Variants in CSRNP3 observed in about 807,000 individuals in gnomAD.
The protein encoded by CSRNP3 is cysteine/serine-rich nuclear protein 3.
Under a neutral mutation model 48.0 loss-of-function variants are expected in CSRNP3, and 12 were observed. The ratio of observed to expected loss-of-function variants is 0.25; its 90% CI spans 0.16 to 0.41. CSRNP3 has a LOEUF of 0.41. CSRNP3 is among the 10% of genes least tolerant of loss of function. CSRNP3 has a pLI of 1.00. For synonymous variants in CSRNP3, 263 were observed against 269.7 expected (o/e 0.98, Z 0.24); for missense variants, 580 against 724.4 (o/e 0.80, Z 2.29).
intron 3 of CSRNP3, among the ~76,000 whole-genome samples, chr2:165,522,415 T>G (rs961219210): frequency 2.0e-5 from 3 of 152,140 alleles, no homozygotes; most frequent in African/African-American, 7.2e-5. Context: ...TATTTTCCTT[T>G]TATTTGCTTA....
chr2:165,472,561 A>T (rs1264357102), intron 1 of CSRNP3, among the ~76,000 whole-genome samples: 2 of 152,014 alleles, frequency 1.3e-5, no homozygotes, highest in Non-Finnish European at 2.9e-5. Flanking sequence ...TTTTATTATA[A>T]AATTACATGC....
At chr2:165,544,615 T>C (rs754365734) in intron 3 of CSRNP3, among the ~76,000 whole-genome samples, 1 of 152,106 alleles carries the variant, frequency 6.6e-6, no homozygotes, top group Non-Finnish European at 1.5e-5. Context: ...TCTGAATATA[T>C]TTTGAACGTA....
chr2:165,639,109 T>A (rs1464081127), intron 4 of CSRNP3, among the ~76,000 whole-genome samples: 2 of 152,184 alleles, frequency 1.3e-5, no homozygotes, highest in Non-Finnish European at 2.9e-5. Context: ...AAAAAACATG[T>A]CTTGTCACGT....
intron 4 of CSRNP3, among the ~76,000 whole-genome samples, chr2:165,626,364 C>T (rs778460831): frequency 5.9e-5 from 9 of 152,076 alleles, no homozygotes; most frequent in Non-Finnish European, 1.3e-4. Flanking sequence ...AAGAATATTC[C>T]AGGCAAAAGG....
rs1350706342 is a variant in CSRNP3, at chr2:165,686,718, G to A, written c.*6965G>A. ...TAGTTGGCAAAGTCATTTCATTTGTGTCTCAAACAAATAAAGCCCACTGCC... is the reference window on the plus strand; with the variant it reads ...TAGTTGGCAAAGTCATTTCATTTGTATCTCAAACAAATAAAGCCCACTGCC... On this transcript the variant is annotated 3_prime_UTR_variant, in exon 7 of 7. Transcript: ENST00000651982. The A allele has an allele frequency of 1.3e-5, 2 of 151,956 alleles. No individual in the cohort carries two copies. Among genetic ancestry groups the A allele is most frequent in the Non-Finnish European group, 2.9e-5 (2 of 67,986 alleles). The allele number at this position is 151,956 out of a possible 1,614,324, so 9.4% of individuals were successfully genotyped here.
At position 165,609,465 on chromosome 2, in the gene CSRNP3, G is replaced by GAAA. The variant is rs34249194; in HGVS notation, c.148+14273_148+14275dup. 5.2e-3 allele frequency among the ~76,000 whole-genome samples: 510 copies of GAAA among 97,550 alleles called. 5 individuals carry two copies. The highest frequency in any genetic ancestry group is 0.01 in the Middle Eastern group (1 of 98). The allele number at this position is 97,550 out of a possible 152,430, so 64.0% of individuals were successfully genotyped here. On this transcript the variant is annotated intron_variant, in intron 4 of 6. Coordinates refer to ENST00000651982, the MANE Select transcript of CSRNP3 (RefSeq NM_001172173.2). ...CAGAGTGAGACTCCGTCTAAAAAAAGAAAAAAAAAAAAAAAAAAAAAAAGA... is the reference window on the plus strand; with the variant it reads ...CAGAGTGAGACTCCGTCTAAAAAAAGAAAAAAAAAAAAAAAAAAAAAAAAAAGA...
At chr2:165,578,901 T>C (rs140207371) in intron 3 of CSRNP3, among the ~76,000 whole-genome samples, 1 of 152,278 alleles carries the variant, frequency 6.6e-6, no homozygotes, top group East Asian at 1.9e-4. Flanking sequence ...TTACAAGCCA[T>C]GTAGCCTTGA....
At chr2:165,482,149 A>T (rs1442755760) in intron 1 of CSRNP3, among the ~76,000 whole-genome samples, 1 of 152,188 alleles carries the variant, frequency 6.6e-6, no homozygotes, top group African/African-American at 2.4e-5. Flanking sequence ...GAAAACTGAG[A>T]CTGAGAGAAA....
chr2:165,574,423 T>C (rs1360313211), intron 3 of CSRNP3: 2 of 1,547,108 alleles, frequency 1.3e-6, no homozygotes, highest in South Asian at 1.2e-5. Context: ...CGTTATATAG[T>C]GCACGCAGGT....
intron 1 of CSRNP3, among the ~76,000 whole-genome samples, chr2:165,470,728 C>T (rs899029624): frequency 6.6e-6 from 1 of 151,904 alleles, no homozygotes; most frequent in Non-Finnish European, 1.5e-5. Context: ...TCACTTAATT[C>T]TTTACTTTAA....
chr2:165,518,598 A>T (rs1208365273), intron 3 of CSRNP3, among the ~76,000 whole-genome samples: 1 of 152,000 alleles, frequency 6.6e-6, no homozygotes, highest in Non-Finnish European at 1.5e-5. Context: ...TACAATATTC[A>T]TTTAGAAGTT....
At chr2:165,643,363 A>C (rs997634177) in intron 4 of CSRNP3, among the ~76,000 whole-genome samples, 3 of 152,182 alleles carry the variant, frequency 2.0e-5, no homozygotes, top group Non-Finnish European at 4.4e-5. Context: ...GACAAAGAAC[A>C]GTCTTGCTTA....
intron 1 of CSRNP3, among the ~76,000 whole-genome samples, chr2:165,477,668 C>CAA (rs34931649): frequency 2.1e-4 from 27 of 128,820 alleles, no homozygotes; most frequent in South Asian, 2.5e-4. Context: ...GACTCCATCT[C>CAA]AAAAAAAAAA....
intron 2 of CSRNP3, among the ~76,000 whole-genome samples, chr2:165,511,035 A>G (rs1002860154): frequency 3.3e-5 from 5 of 152,220 alleles, no homozygotes; most frequent in Admixed American, 6.5e-5. Flanking sequence ...ATTGTGTGGT[A>G]TCCTAGAAGC....
chr2:165,640,344 A>G (rs1202644124), intron 4 of CSRNP3, among the ~76,000 whole-genome samples: 1 of 152,220 alleles, frequency 6.6e-6, no homozygotes, highest in Non-Finnish European at 1.5e-5. Context: ...CAGCAAGTAA[A>G]TGACAGAGCA....
At chr2:165,519,158 G>C (rs1009143761) in intron 3 of CSRNP3, among the ~76,000 whole-genome samples, 1 of 149,494 alleles carries the variant, frequency 6.7e-6, no homozygotes, top group African/African-American at 2.4e-5. Flanking sequence ...TATAAAACAA[G>C]TAAGAAATAT....
At chr2:165,622,380 C>A (rs565678547) in intron 4 of CSRNP3, among the ~76,000 whole-genome samples, 26 of 152,238 alleles carry the variant, frequency 1.7e-4, no homozygotes, top group African/African-American at 6.0e-4. Flanking sequence ...CATTTAAATA[C>A]CTTTTTTGAT....
intron 3 of CSRNP3, among the ~76,000 whole-genome samples, chr2:165,591,495 C>G (rs1483843040): frequency 6.6e-6 from 1 of 152,154 alleles, no homozygotes; most frequent in East Asian, 1.9e-4. Context: ...CAGGGCATGT[C>G]AGAGACCTTC....
Position 165,681,744 on chromosome 2 carries a change from TATATATATATATATATACAC to T in CSRNP3, c.*1993_*2012del, listed in dbSNP as rs1171361114. On this transcript the variant is annotated 3_prime_UTR_variant, in exon 7 of 7. Transcript: ENST00000651982. ...AAATATACATATATATATATATATA[TATATATATATATATATACAC>T]ACACACACACACATACACATATATA... The T allele has an allele frequency of 1.1e-5, 1 of 88,456 alleles. No homozygotes were observed. The highest frequency in any genetic ancestry group is 2.6e-5 in the Non-Finnish European group (1 of 38,816). 5.5% of individuals were successfully genotyped at this position (88,456 alleles called of 1,614,324 possible). A position where few individuals can be genotyped will look rare whatever the true frequency, so the allele number is the denominator to read the frequency against.
Sources: gnomAD v4.1 joint callset for allele counts (sites outside exome capture counted in the v4.1 genomes callset) on GRCh38, gnomAD v4.1.1 for gene constraint, MANE v1.5 for transcripts, NCBI Gene and HGNC (gene_info 2026-07-23, HGNC 2026-07-21) for gene names.